TRPS1: variants seen among roughly 807,000 people sequenced by gnomAD.
The protein encoded by TRPS1 is transcriptional repressor GATA binding 1, also known as zinc finger transcription factor Trps1.
A neutral mutation model predicts 101.2 loss-of-function variants in TRPS1; 6 were observed. That is an observed-to-expected ratio of 0.06 (90% CI 0.03 to 0.12). The LOEUF (loss-of-function observed/expected upper bound fraction) is 0.12, where lower values mean the gene tolerates loss of function less well. Ranked by LOEUF, TRPS1 falls within the 10% of genes least tolerant of loss-of-function variation. The pLI is 1.00. For missense variants in TRPS1, 1,363 were observed against 1,567.0 expected (o/e 0.87, Z 2.20); for synonymous variants, 578 against 589.8 (o/e 0.98, Z 0.29).
chr8:115,576,036 A>G (rs887988046), intron 5 of TRPS1, among the ~76,000 whole-genome samples: 1 of 152,120 alleles, frequency 6.6e-6, no homozygotes, highest in African/African-American at 2.4e-5. Flanking sequence ...GGAGACTTTA[A>G]GCATGTCACT....
intron 5 of TRPS1, among the ~76,000 whole-genome samples, chr8:115,554,404 C>A (rs2130349441): frequency 6.6e-6 from 1 of 152,282 alleles, no homozygotes; most frequent in Middle Eastern, 3.4e-3. Flanking sequence ...AGTAGAAGGG[C>A]ATTTCCGTTA....
intron 5 of TRPS1, among the ~76,000 whole-genome samples, chr8:115,581,410 T>C (rs1817447377): frequency 6.6e-6 from 1 of 152,128 alleles, no homozygotes; most frequent in Non-Finnish European, 1.5e-5. Context: ...TGAATGTCCC[T>C]AATACAAAGA....
At chr8:115,599,217 T>C (rs535553268) in intron 4 of TRPS1, among the ~76,000 whole-genome samples, 1 of 152,300 alleles carries the variant, frequency 6.6e-6, no homozygotes, top group Middle Eastern at 3.4e-3. Flanking sequence ...ATTAATTCAT[T>C]TGCTCTCTTT....
chr8:115,492,326 G>A (rs1254484439), intron 5 of TRPS1: 1 of 449,482 alleles, frequency 2.2e-6, no homozygotes, highest in Non-Finnish European at 4.5e-6. Flanking sequence ...GTTAATTAGA[G>A]AGGCAGATAA....
rs201982065 is a variant in TRPS1 at position 115,452,031 on chromosome 8, CCTT to C, written c.2701-33582_2701-33580del. Among the ~76,000 whole-genome samples, 1,239 of 152,184 alleles carry C rather than the reference CCTT, an allele frequency of 8.1e-3. 12 individuals are homozygous for C. Among genetic ancestry groups the C allele is most frequent in the Non-Finnish European group, 0.01 (713 of 68,010 alleles). ...TAAAGTTTTGAAAAATGTGTTTTCC[CCTT>C]CTTCTCCTATGTTCTCTCAAAGCTG... On this transcript the variant is annotated intron_variant, in intron 5 of 6. Coordinates refer to ENST00000395715, the MANE Select transcript of TRPS1 (RefSeq NM_014112.5).
At chr8:115,445,586 G>C (rs1813712379) in intron 5 of TRPS1, among the ~76,000 whole-genome samples, 1 of 152,154 alleles carries the variant, frequency 6.6e-6, no homozygotes, top group African/African-American at 2.4e-5. Context: ...CAAATTCGGA[G>C]AGGCAGGAAA....
At chr8:115,478,916 T>C (rs995557962) in intron 5 of TRPS1, among the ~76,000 whole-genome samples, 12 of 148,834 alleles carry the variant, frequency 8.1e-5, no homozygotes, top group South Asian at 2.1e-4. Flanking sequence ...TAAATGTATA[T>C]ATGTATATAT....
chr8:115,493,198 A>C (rs7011228), intron 5 of TRPS1, among the ~76,000 whole-genome samples: 2,796 of 152,282 alleles, frequency 0.018, 69 homozygotes, highest in African/African-American at 0.064. Context: ...TTGAACTTAC[A>C]GGTTTTTAGC....
chr8:115,619,761 A>G lies in TRPS1; in HGVS notation c.337T>C (p.Phe113Leu), dbSNP rs778012156. 1.9e-6 allele frequency: 3 copies of G among 1,614,110 alleles called. No homozygotes were observed. Among genetic ancestry groups the G allele is most frequent in the Non-Finnish European group, 2.5e-6 (3 of 1,180,052 alleles). ...CTGTCTGTCACCTCATCATGCGGAAAGGAGGGAAAGTTTCCTCCCTTACTG... is the reference window on the plus strand; with the variant it reads ...CTGTCTGTCACCTCATCATGCGGAAGGGAGGGAAAGTTTCCTCCCTTACTG... ...SPSKGGNFPS[F>L]PHDEVTDRNM... The change falls in exon 3 of 7, where the codon TTT becomes CTT. Residue 113 changes from phenylalanine to leucine, a missense_variant. Physicochemically the swap from Phe to Leu is conservative, Grantham distance 22. Transcript: ENST00000395715.
Position 115,551,260 on chromosome 8 carries a change from C to T in TRPS1, c.2700+35741G>A, listed in dbSNP as rs1299962888. Among the ~76,000 whole-genome samples the T allele has an allele frequency of 2.6e-5, 4 of 152,156 alleles. No homozygotes were observed. The South Asian group carries it at 6.2e-4, about 24-fold the overall frequency. On this transcript the variant is annotated intron_variant, in intron 5 of 6. Transcript: ENST00000395715. Reference sequence around the variant, plus strand: ...GATAGATTTGTAAAAAGTGAGCCTACCTAAGGCAAATTTCAAAAGAAGAAA... The same window carrying T: ...GATAGATTTGTAAAAAGTGAGCCTATCTAAGGCAAATTTCAAAAGAAGAAA...
chr8:115,590,422 C>T (rs988771900), intron 4 of TRPS1, among the ~76,000 whole-genome samples: 3 of 152,112 alleles, frequency 2.0e-5, no homozygotes, highest in African/African-American at 7.2e-5. Context: ...CTACAAATTA[C>T]CACTGACACT....
intron 1 of TRPS1, among the ~76,000 whole-genome samples, chr8:115,642,994 G>T (rs1023696164): frequency 2.6e-5 from 4 of 151,824 alleles, no homozygotes; most frequent in Non-Finnish European, 5.9e-5. Flanking sequence ...AGAATATTTT[G>T]GTTTCCCAGT....
intron 6 of TRPS1, among the ~76,000 whole-genome samples, chr8:115,416,237 G>A (rs1812915945): frequency 6.6e-6 from 1 of 151,646 alleles, no homozygotes; most frequent in Admixed American, 6.6e-5. Flanking sequence ...ATGTTCAACA[G>A]GTATTTATAT....
At chr8:115,434,712 TAA>T (rs1813407237) in intron 5 of TRPS1, among the ~76,000 whole-genome samples, 2 of 152,218 alleles carry the variant, frequency 1.3e-5, no homozygotes, top group African/African-American at 4.8e-5. Flanking sequence ...AGCTGCCTTC[TAA>T]GTTGATTTAG....
At chr8:115,477,314 T>C (rs992947524) in intron 5 of TRPS1, among the ~76,000 whole-genome samples, 3 of 152,186 alleles carry the variant, frequency 2.0e-5, no homozygotes, top group Admixed American at 6.5e-5. Context: ...AAAACAATTA[T>C]AGGTGTGCCA....
At chr8:115,494,846 T>C (rs146617562) in intron 5 of TRPS1, among the ~76,000 whole-genome samples, 1 of 152,302 alleles carries the variant, frequency 6.6e-6, no homozygotes, top group Non-Finnish European at 1.5e-5. Flanking sequence ...TCCTTCAAAG[T>C]AAGATTAGGA....
At chr8:115,657,289 C>T (rs148301859) in intron 1 of TRPS1, among the ~76,000 whole-genome samples, 102 of 152,184 alleles carry the variant, frequency 6.7e-4, no homozygotes, top group African/African-American at 2.3e-3. Context: ...ATATGATATT[C>T]ATGTCGTAGC....
chr8:115,500,995 T>C (rs1182194104), intron 5 of TRPS1, among the ~76,000 whole-genome samples: 3 of 176 alleles, frequency 0.017, no homozygotes, highest in South Asian at 0.17. Flanking sequence ...GATCTTTCTA[T>C]AGGTAATTTA....
chr8:115,435,866 T>C (rs1453897546), intron 5 of TRPS1, among the ~76,000 whole-genome samples: 3 of 152,066 alleles, frequency 2.0e-5, no homozygotes, highest in Non-Finnish European at 4.4e-5. Flanking sequence ...CTTTGAAGTG[T>C]TTATAATTTT....
Sources: allele counts gnomAD v4.1 joint callset (sites outside exome capture counted in the v4.1 genomes callset), GRCh38; gene constraint gnomAD v4.1.1; transcripts MANE v1.5; gene names NCBI Gene and HGNC (gene_info 2026-07-23, HGNC 2026-07-21).